The following MAGI3 variants were observed in gnomAD, a reference collection of about 807,000 sequenced individuals.
The protein encoded by MAGI3 is membrane-associated guanylate kinase, WW and PDZ domain-containing protein 3.
A neutral mutation model predicts 121.8 loss-of-function variants in MAGI3; 43 were observed. That is an observed-to-expected ratio of 0.35 (90% CI 0.28 to 0.46). MAGI3 has a LOEUF of 0.46. MAGI3 is among the 20% of genes least tolerant of loss of function. The probability of loss-of-function intolerance (pLI) is 1.00; values close to 1 mark genes in which losing one functional copy is unlikely to be tolerated. For synonymous variants in MAGI3, 553 were observed against 639.3 expected (o/e 0.86, Z 2.04); for missense variants, 1,547 against 1,797.3 (o/e 0.86, Z 2.52).
At chr1:113,407,699 G>A (rs948702693) in intron 1 of MAGI3, among the ~76,000 whole-genome samples, 1 of 151,894 alleles carries the variant, frequency 6.6e-6, no homozygotes, top group African/African-American at 2.4e-5. Flanking sequence ...GCTCAAGGTC[G>A]TATAGCTAGT....
intron 6 of MAGI3, among the ~76,000 whole-genome samples, chr1:113,604,530 G>T (rs534449795): frequency 8.7e-6 from 1 of 115,414 alleles, no homozygotes; most frequent in Admixed American, 1.3e-4. Flanking sequence ...TCATGCCACT[G>T]CACTCCAGCC....
chr1:113,634,161 A>C (rs2101807908), intron 9 of MAGI3, among the ~76,000 whole-genome samples: 1 of 152,300 alleles, frequency 6.6e-6, no homozygotes, highest in East Asian at 1.9e-4. Context: ...AGTAGATTGC[A>C]AAAATTTTCT....
chr1:113,441,622 A>G (rs542598446), intron 1 of MAGI3, among the ~76,000 whole-genome samples: 53 of 152,304 alleles, frequency 3.5e-4, no homozygotes, highest in South Asian at 1.0e-3. Flanking sequence ...AGAGTAGAAT[A>G]TATTAAATCA....
intron 1 of MAGI3, among the ~76,000 whole-genome samples, chr1:113,512,803 G>C (rs568661484): frequency 4.5e-4 from 69 of 152,280 alleles, no homozygotes; most frequent in South Asian, 1.2e-3. Context: ...AGGAAATAAA[G>C]GGTATTCAAT....
intron 10 of MAGI3, 67 bp from the exon 11 acceptor site, chr1:113,643,676 A>G (rs370501669): frequency 1.4e-6 from 2 of 1,449,054 alleles, no homozygotes; most frequent in Non-Finnish European, 1.9e-6. Context: ...TATCGTAAAC[A>G]TTAGCAGTAT....
At chr1:113,417,949 C>CA (rs1652538577) in intron 1 of MAGI3, among the ~76,000 whole-genome samples, 1 of 152,066 alleles carries the variant, frequency 6.6e-6, no homozygotes, top group Admixed American at 6.6e-5. Flanking sequence ...ACCTAATTAC[C>CA]AAGTTTTATC....
At chr1:113,659,612 C>T (rs1653675565) in intron 16 of MAGI3, among the ~76,000 whole-genome samples, 1 of 152,156 alleles carries the variant, frequency 6.6e-6, no homozygotes, top group Admixed American at 6.5e-5. Flanking sequence ...ATCCTTTAAA[C>T]AGTTCAAAGA....
chr1:113,451,627 GA>G (rs1399615823), intron 1 of MAGI3, among the ~76,000 whole-genome samples: 1 of 152,042 alleles, frequency 6.6e-6, no homozygotes, highest in Non-Finnish European at 1.5e-5. Context: ...ATTAAGGAGG[GA>G]ATTTTTTTTT....
chr1:113,449,684 C>T (rs764316988), intron 1 of MAGI3: 8 of 788,018 alleles, frequency 1.0e-5, no homozygotes, highest in East Asian at 4.9e-5. Context: ...TTGGAAGAGG[C>T]GAGTCTGGTC....
At chr1:113,575,966 T>G (rs988674043) in intron 2 of MAGI3, among the ~76,000 whole-genome samples, 1 of 152,148 alleles carries the variant, frequency 6.6e-6, no homozygotes, top group Non-Finnish European at 1.5e-5. Flanking sequence ...CAGTCCGAAC[T>G]TCCTGGCGGC....
At chr1:113,467,358 C>G (rs1655340258) in intron 1 of MAGI3, among the ~76,000 whole-genome samples, 2 of 151,954 alleles carry the variant, frequency 1.3e-5, no homozygotes, top group African/African-American at 4.8e-5. Flanking sequence ...GTTTTGTGGC[C>G]TAAGATATGG....
chr1:113,420,220 T>G (rs1449933626), intron 1 of MAGI3, among the ~76,000 whole-genome samples: 1 of 152,136 alleles, frequency 6.6e-6, no homozygotes, highest in African/African-American at 2.4e-5. Context: ...CTATAAACAT[T>G]GGTGGGTCTA....
chr1:113,619,843 T>A lies in MAGI3; in HGVS notation c.1171+13T>A. ...TCTTCAAAACCAGGTAAGCATTCTT[T>A]TCAATCTTTTCTTCTAAGAATAACT... On this transcript the variant is annotated intron_variant, in intron 8 of 20. Coordinates refer to ENST00000307546, the MANE Select transcript of MAGI3 (RefSeq NM_001142782.2). 1 of 1,558,804 alleles carries A rather than the reference T, an allele frequency of 6.4e-7. No homozygotes were observed. Among genetic ancestry groups the A allele is most frequent in the Non-Finnish European group, 8.8e-7 (1 of 1,133,602 alleles).
At chr1:113,643,679 A>G in intron 10 of MAGI3, 64 bp from the exon 11 acceptor site, 1 of 1,454,258 alleles carries the variant, frequency 6.9e-7, no homozygotes, top group East Asian at 2.3e-5. Flanking sequence ...CGTAAACATT[A>G]GCAGTATTTG....
At chr1:113,662,584 T>G (rs1442759321) in intron 16 of MAGI3, among the ~76,000 whole-genome samples, 1 of 152,226 alleles carries the variant, frequency 6.6e-6, no homozygotes, top group East Asian at 1.9e-4. Context: ...TTTGTTTTGT[T>G]TTGTTTTCAG....
chr1:113,463,704 C>G (rs1655143625), intron 1 of MAGI3, among the ~76,000 whole-genome samples: 1 of 151,964 alleles, frequency 6.6e-6, no homozygotes, highest in Admixed American at 6.6e-5. Flanking sequence ...GTGAGAGTTT[C>G]TTTTAACCCA....
In MAGI3 at chr1:113,658,736, G is replaced by C. The variant is rs1438948879; in HGVS notation, c.2630-344G>C. Reference sequence around the variant, plus strand: ...TTAAATGGCCAACAATAAACAATGAGACATCTGATCAGTCAGGTGGTATCA... The same window carrying C: ...TTAAATGGCCAACAATAAACAATGACACATCTGATCAGTCAGGTGGTATCA... On this transcript the variant is annotated intron_variant, in intron 15 of 20. Coordinates refer to ENST00000307546, the MANE Select transcript of MAGI3 (RefSeq NM_001142782.2). This position sits in a 1 kb window ranked among gnomAD's most constrained non-coding sequence, Gnocchi z 4.0. Among the ~76,000 whole-genome samples the C allele has an allele frequency of 6.6e-6, 1 of 152,166 alleles. No homozygotes were observed. The highest frequency in any genetic ancestry group is 6.5e-5 in the Admixed American group (1 of 15,276).
chr1:113,644,003 C>T (rs992182524), intron 11 of MAGI3, among the ~76,000 whole-genome samples: 1 of 152,112 alleles, frequency 6.6e-6, no homozygotes, highest in Admixed American at 6.5e-5. Context: ...TTACTAAAGG[C>T]CTATTGTACC....
At chr1:113,636,240 T>G (rs1570975122) in intron 9 of MAGI3, among the ~76,000 whole-genome samples, 2 of 152,192 alleles carry the variant, frequency 1.3e-5, no homozygotes, top group African/African-American at 4.8e-5. Flanking sequence ...AGTTCTGTTC[T>G]GATTTTAGTT....
Sources: allele counts gnomAD v4.1 joint callset (sites outside exome capture counted in the v4.1 genomes callset), GRCh38; gene constraint gnomAD v4.1.1; non-coding constraint Gnocchi (gnomAD v3.1); transcripts MANE v1.5; gene names NCBI Gene and HGNC (gene_info 2026-07-23, HGNC 2026-07-21).